The following MTAP variants were observed in gnomAD, a reference collection of about 807,000 sequenced individuals.
The protein encoded by MTAP is methylthioadenosine phosphorylase.
In MTAP, 33 loss-of-function variants were observed where a neutral mutation model predicts 33.6. The observed-to-expected ratio is 0.98, with a 90% confidence interval of 0.74 to 1.31. The LOEUF (loss-of-function observed/expected upper bound fraction) is 1.31, where lower values mean the gene tolerates loss of function less well. Ranked by LOEUF, MTAP falls within the 40% of genes most tolerant of loss-of-function variation. The probability of loss-of-function intolerance (pLI) is 0.00; values close to 1 mark genes in which losing one functional copy is unlikely to be tolerated. For synonymous variants in MTAP, 148 were observed against 125.7 expected (o/e 1.18, Z -1.19); for missense variants, 367 against 360.0 (o/e 1.02, Z -0.16).
Position 21,824,902 on chromosome 9 carries a change from T to C in MTAP, c.347+6700T>C, listed in dbSNP as rs570279441. 2.7e-4 allele frequency among the ~76,000 whole-genome samples: 41 copies of C among 152,316 alleles called. No homozygotes were observed. In the South Asian group the frequency reaches 7.5e-3, roughly 28 times the overall value. The stretch of plus-strand genomic sequence containing the variant: ...TGTGGGCGTGGGACCCTCCGAGCTA[T>C]GCACGGGATATAATCTCCTGGTGTG... On this transcript the variant is annotated intron_variant, in intron 4 of 7. Transcript: ENST00000644715.
At chr9:21,847,887 G>C (rs986164062) in intron 5 of MTAP, among the ~76,000 whole-genome samples, 1 of 152,188 alleles carries the variant, frequency 6.6e-6, no homozygotes, top group Non-Finnish European at 1.5e-5. Context: ...AGCCTCGCCA[G>C]GTGTCTACTG....
chr9:21,896,602 A>G (rs545149949), intron 1 of MTAP, among the ~76,000 whole-genome samples: 1 of 152,330 alleles, frequency 6.6e-6, no homozygotes, highest in East Asian at 1.9e-4. Flanking sequence ...GAGATACTAT[A>G]AACACCTCTA....
chr9:21,842,814 G>A (rs1040029041), intron 5 of MTAP, among the ~76,000 whole-genome samples: 2 of 152,132 alleles, frequency 1.3e-5, no homozygotes, highest in African/African-American at 2.4e-5. Context: ...TCATTAAAGC[G>A]TAAATCTCAC....
At chr9:21,842,107 A>G (rs959711459) in intron 5 of MTAP, among the ~76,000 whole-genome samples, 1 of 152,242 alleles carries the variant, frequency 6.6e-6, no homozygotes, top group Non-Finnish European at 1.5e-5. Context: ...AGGAAATGAA[A>G]GACACACTTA....
rs1486418135 is a variant in MTAP, at chr9:21,866,842, G to A, written c.*4828G>A. ...ATTGAACCTTTCAATCGATGGACAT[G>A]GTATGTTTCTGCATTTATTTGGGCC... On this transcript the variant is annotated 3_prime_UTR_variant, in exon 8 of 8. Transcript: ENST00000644715. The A allele has an allele frequency of 1.3e-5, 2 of 151,954 alleles. No individual in the cohort carries two copies. The highest frequency in any genetic ancestry group is 2.4e-5 in the African/African-American group (1 of 41,404). The allele number at this position is 151,954 out of a possible 1,614,324, so 9.4% of individuals were successfully genotyped here. A position where few individuals can be genotyped will look rare whatever the true frequency, so the allele number is the denominator to read the frequency against.
chr9:21,819,981 T>A (rs1473426678), intron 4 of MTAP, among the ~76,000 whole-genome samples: 1 of 152,224 alleles, frequency 6.6e-6, no homozygotes, highest in Non-Finnish European at 1.5e-5. Flanking sequence ...CACATTTTGA[T>A]GGGGTTGTTT....
intron 1 of MTAP, among the ~76,000 whole-genome samples, chr9:21,914,324 A>G (rs1818638153): frequency 6.6e-6 from 1 of 152,184 alleles, no homozygotes; most frequent in African/African-American, 2.4e-5. Flanking sequence ...ATACAGACAC[A>G]TGCACACATA....
chr9:21,915,042 TCCTTCC>T (rs1563869435), intron 1 of MTAP, among the ~76,000 whole-genome samples: 8 of 107,930 alleles, frequency 7.4e-5, no homozygotes, highest in African/African-American at 3.9e-4. Context: ...CTTCCTTCCT[TCCTTCC>T]TTCCTTCCTT....
chr9:21,832,203 G>A (rs1824984665), intron 4 of MTAP, among the ~76,000 whole-genome samples: 1 of 152,192 alleles, frequency 6.6e-6, no homozygotes, highest in South Asian at 2.1e-4. Context: ...AGTGCTGAGG[G>A]ATCAGTTATG....
At chr9:21,917,767 T>C (rs912541176) in intron 1 of MTAP, among the ~76,000 whole-genome samples, 13 of 152,214 alleles carry the variant, frequency 8.5e-5, no homozygotes, top group African/African-American at 3.1e-4. Context: ...AAAGAAGTCA[T>C]ATAAAAAAGA....
downstream of MTAP, among the ~76,000 whole-genome samples, chr9:21,871,830 C>T (rs1189140422): frequency 6.6e-6 from 1 of 152,014 alleles, no homozygotes; most frequent in African/African-American, 2.4e-5. Context: ...TTCTACCTCC[C>T]CAGATAGTGA....
intron 3 of MTAP, among the ~76,000 whole-genome samples, chr9:21,817,276 G>T (rs535292451): frequency 6.6e-6 from 1 of 152,204 alleles, no homozygotes; most frequent in African/African-American, 2.4e-5. Context: ...ATATGTATGA[G>T]TTCTCTACTG....
At chr9:21,861,857 G>A in intron 7 of MTAP, 119 bp from the exon 8 acceptor site, 1 of 734,510 alleles carries the variant, frequency 1.4e-6, no homozygotes, top group South Asian at 1.6e-5. Context: ...TTTATTTAAA[G>A]TGTATGTTTC....
intron 1 of MTAP, among the ~76,000 whole-genome samples, chr9:21,809,315 G>C (rs1271644373): frequency 6.6e-6 from 1 of 152,084 alleles, no homozygotes; most frequent in Non-Finnish European, 1.5e-5. Flanking sequence ...GCATTGTTCA[G>C]CTTGCCACAC....
rs192008760 is a variant in MTAP, at chr9:21,863,182, T to A, written c.*1168T>A. ...GACTAAATGCACATTTTATGGTATC[T>A]GATATTTTAAAAAGTAATGTTTGAT... is the stretch of plus-strand genomic sequence containing the variant. On this transcript the variant is annotated 3_prime_UTR_variant, in exon 8 of 8. Transcript: ENST00000644715. The A allele has an allele frequency of 1.0e-6, 1 of 957,994 alleles. No individual in the cohort carries two copies. Among genetic ancestry groups the A allele is most frequent in the East Asian group, 1.2e-4 (1 of 8,660 alleles). 59.3% of individuals were successfully genotyped at this position (957,994 alleles called of 1,614,324 possible).
chr9:21,934,128 G>A (rs1819005891), downstream of MTAP: 1 of 152,224 alleles, frequency 6.6e-6, no homozygotes, highest in African/African-American at 2.4e-5. This position sits in a 1 kb window ranked among gnomAD's most constrained non-coding sequence, Gnocchi z 5.0. Flanking sequence ...GTGACATACA[G>A]AAATTAGAAG....
At chr9:21,877,753 G>C (rs944486498) in intron 1 of MTAP, among the ~76,000 whole-genome samples, 2 of 152,042 alleles carry the variant, frequency 1.3e-5, no homozygotes, top group African/African-American at 2.4e-5. Context: ...TGTTGGATTC[G>C]ATTTGCTAGT....
At chr9:21,918,802 C>T (rs907277098) in intron 1 of MTAP, among the ~76,000 whole-genome samples, 5 of 152,174 alleles carry the variant, frequency 3.3e-5, no homozygotes, top group African/African-American at 9.7e-5. Context: ...GTCTTTGCTC[C>T]TCTTTGCCTT....
In MTAP at chr9:21,815,465, T is replaced by C; in HGVS notation, c.66T>C (p.Asp22=). The change falls in exon 2 of 8, where the codon GAT becomes GAC. Residue 22 remains aspartate, a synonymous_variant. Coordinates refer to ENST00000644715, the MANE Select transcript of MTAP (RefSeq NM_002451.4). The part of the protein sequence containing the change: ...IGIIGGTGLD[D]PEILEGRTEK... ...TAATTGGTGGAACAGGCCTGGATGA[T>C]CCAGAAATTTTAGAAGGAAGAACTG... 3.1e-6 allele frequency: 5 copies of C among 1,611,960 alleles called. No homozygotes were observed. The highest frequency in any genetic ancestry group is 1.3e-5 in the African/African-American group (1 of 74,962).
Sources: gnomAD v4.1 joint callset for allele counts (sites outside exome capture counted in the v4.1 genomes callset) on GRCh38, gnomAD v4.1.1 for gene constraint, Gnocchi (gnomAD v3.1) non-coding constraint, MANE v1.5 for transcripts, NCBI Gene and HGNC (gene_info 2026-07-23, HGNC 2026-07-21) for gene names.